The following TRAPPC12 variants were observed in gnomAD, a reference collection of about 807,000 sequenced individuals.
The protein encoded by TRAPPC12 is TPR repeat protein 15.
TRAPPC12 carries 61 observed loss-of-function variants against 69.2 expected under a neutral mutation model. That is an observed-to-expected ratio of 0.88 (90% CI 0.72 to 1.09). The LOEUF is 1.09. TRAPPC12 is among the 50% of genes least tolerant of loss of function. TRAPPC12 has a pLI of 0.00. For synonymous variants in TRAPPC12, 469 were observed against 438.9 expected (o/e 1.07, Z -0.86); for missense variants, 1,101 against 1,016.4 (o/e 1.08, Z -1.13).
At position 3,386,738 on chromosome 2, in the gene TRAPPC12, G is replaced by A. The variant is rs577930363; in HGVS notation, c.-4-882G>A. 1.8e-3 allele frequency among the ~76,000 whole-genome samples: 275 copies of A among 152,254 alleles called. 1 individual carries two copies. The highest frequency in any genetic ancestry group is 6.4e-3 in the African/African-American group (265 of 41,538). On this transcript the variant is annotated intron_variant, in intron 1 of 11. Transcript: ENST00000324266. The stretch of plus-strand genomic sequence containing the variant: ...GGGTAGGGGCGGACGGCATGGGGAA[G>A]TCAAGAGACTATTACAAATTGAAGA...
intron 3 of TRAPPC12, among the ~76,000 whole-genome samples, chr2:3,416,022 C>T (rs1249847699): frequency 2.6e-5 from 4 of 152,182 alleles, no homozygotes; most frequent in Non-Finnish European, 4.4e-5. Context: ...GGCCCACTTA[C>T]TTTCATCTCA....
chr2:3,443,557 C>T (rs753838594), intron 5 of TRAPPC12, among the ~76,000 whole-genome samples: 5 of 152,176 alleles, frequency 3.3e-5, no homozygotes, highest in African/African-American at 4.8e-5. Flanking sequence ...GTGGTGTCAT[C>T]CACCTGTCTC....
At chr2:3,389,700 G>C (rs1396976133) in intron 2 of TRAPPC12, 1 of 471,172 alleles carries the variant, frequency 2.1e-6, no homozygotes, top group Non-Finnish European at 4.4e-6. Context: ...TGTTATTGCT[G>C]TCTTGGTACC....
chr2:3,431,431 C>T (rs140110823), intron 5 of TRAPPC12, among the ~76,000 whole-genome samples: 1 of 152,344 alleles, frequency 6.6e-6, no homozygotes, highest in Non-Finnish European at 1.5e-5. Context: ...TTACCCAGCA[C>T]TAAAAGTATT....
chr2:3,380,466 T>C (rs1358612842), intron 1 of TRAPPC12, among the ~76,000 whole-genome samples: 1 of 152,234 alleles, frequency 6.6e-6, no homozygotes, highest in African/African-American at 2.4e-5. Context: ...GGGTCAAAGA[T>C]GTGTTTTAAC....
chr2:3,409,679 C>T (rs1023127441), intron 3 of TRAPPC12, among the ~76,000 whole-genome samples: 3 of 141,934 alleles, frequency 2.1e-5, no homozygotes, highest in Admixed American at 1.5e-4. Context: ...GAGCCCAGGC[C>T]GTGGAGGCTG....
intron 5 of TRAPPC12, among the ~76,000 whole-genome samples, chr2:3,435,343 A>C (rs1037323647): frequency 6.6e-6 from 1 of 152,210 alleles, no homozygotes; most frequent in Non-Finnish European, 1.5e-5. Flanking sequence ...CTGGGGGGGC[A>C]GGGGAATGGC....
intron 9 of TRAPPC12, among the ~76,000 whole-genome samples, chr2:3,473,877 T>C (rs1666175092): frequency 6.6e-6 from 1 of 152,234 alleles, no homozygotes; most frequent in Admixed American, 6.5e-5. Flanking sequence ...AGATTTAATA[T>C]CATCTAGCAA....
intron 7 of TRAPPC12, chr2:3,459,874 C>T (rs1352638207): frequency 8.9e-6 from 3 of 336,580 alleles, no homozygotes; most frequent in Non-Finnish European, 1.7e-5. Flanking sequence ...CTGGCGGCCA[C>T]CCTGGCCAGT....
rs754552121 is a variant in TRAPPC12 at position 3,460,296 on chromosome 2, G to A, written c.1637G>A (p.Arg546Gln). 8 of 874,644 alleles carry A rather than the reference G, an allele frequency of 9.1e-6. No individual in the cohort carries two copies. The highest frequency in any genetic ancestry group is 7.2e-5 in the East Asian group (3 of 41,718). 54.2% of individuals were successfully genotyped at this position (874,644 alleles called of 1,614,324 possible). Reference sequence around the variant, plus strand: ...CGGCTGTGGAGGTCACGTCTGGGCCGGGTGATGTACTCCATGGCAAACTGT... The same window carrying A: ...CGGCTGTGGAGGTCACGTCTGGGCCAGGTGATGTACTCCATGGCAAACTGT... ...SIRLWRSRLGRVMYSMANCLL... is the reference protein window; with the variant it reads ...SIRLWRSRLGQVMYSMANCLL... The change falls in exon 8 of 12, where the codon CGG (arginine) becomes CAG (glutamine). Residue 546 changes from arginine to glutamine, a missense_variant. Physicochemically the swap from Arg to Gln is conservative, Grantham distance 43 (BLOSUM62 1). Coordinates refer to ENST00000324266, the MANE Select transcript of TRAPPC12 (RefSeq NM_016030.6).
chr2:3,425,870 G>C (rs560277558), intron 5 of TRAPPC12, among the ~76,000 whole-genome samples: 1 of 152,348 alleles, frequency 6.6e-6, no homozygotes, highest in East Asian at 1.9e-4. Context: ...GTTGATACTA[G>C]TAGGTAAATA....
At chr2:3,397,617 T>C (rs545102299) in intron 2 of TRAPPC12, among the ~76,000 whole-genome samples, 39 of 152,258 alleles carry the variant, frequency 2.6e-4, no homozygotes, top group Non-Finnish European at 5.0e-4. Context: ...ATAAGAATTA[T>C]CCAGTTTGTA....
chr2:3,407,866 A>C (rs1214324512), intron 3 of TRAPPC12, among the ~76,000 whole-genome samples: 1 of 152,176 alleles, frequency 6.6e-6, no homozygotes, highest in Non-Finnish European at 1.5e-5. Context: ...GAAAATAATA[A>C]GATAAAAATA....
In TRAPPC12 at chr2:3,427,161, C is replaced by T. The variant is rs561423233; in HGVS notation, c.1417+2498C>T. 3.9e-5 allele frequency among the ~76,000 whole-genome samples: 6 copies of T among 152,324 alleles called. No homozygotes were observed. In the South Asian group the frequency reaches 6.2e-4, roughly 16 times the overall value. On this transcript the variant is annotated intron_variant, in intron 5 of 11. Coordinates refer to ENST00000324266, the MANE Select transcript of TRAPPC12 (RefSeq NM_016030.6). ...AACAGCTGTTTTCCTATTTCTTACA[C>T]GGATCAGCCTTGTTTTCCCCCATCC...
intron 2 of TRAPPC12, among the ~76,000 whole-genome samples, chr2:3,389,489 G>A (rs542503388): frequency 1.3e-5 from 2 of 152,400 alleles, no homozygotes; most frequent in Admixed American, 6.5e-5. Context: ...TCCAGGCGAG[G>A]GGAACACCGT....
intron 8 of TRAPPC12, among the ~76,000 whole-genome samples, chr2:3,465,379 G>A (rs116308205): frequency 0.017 from 2,572 of 152,170 alleles, 68 homozygotes; most frequent in African/African-American, 0.059. Context: ...CCGCCGTTGC[G>A]ATGCGCACAG....
At chr2:3,391,489 T>C (rs567204637) in intron 2 of TRAPPC12, among the ~76,000 whole-genome samples, 149 of 152,348 alleles carry the variant, frequency 9.8e-4, no homozygotes, top group African/African-American at 3.5e-3. Flanking sequence ...TGTAAGCCTA[T>C]AGACATCCGT....
At position 3,426,842 on chromosome 2, in the gene TRAPPC12, C is replaced by T. The variant is rs983495819; in HGVS notation, c.1417+2179C>T. On this transcript the variant is annotated intron_variant, in intron 5 of 11. Coordinates refer to ENST00000324266, the MANE Select transcript of TRAPPC12 (RefSeq NM_016030.6). ...TCCGCACGTAGGTGGTTCCCACATC[C>T]GCTCATGAGTTGGAGAGATACAGCC... Among the ~76,000 whole-genome samples the T allele has an allele frequency of 2.6e-5, 4 of 152,208 alleles. No individual in the cohort carries two copies. In the South Asian group the frequency reaches 6.2e-4, roughly 24 times the overall value.
intron 9 of TRAPPC12, among the ~76,000 whole-genome samples, chr2:3,468,681 G>A (rs777001891): frequency 1.3e-5 from 2 of 152,172 alleles, no homozygotes; most frequent in Non-Finnish European, 2.9e-5. Context: ...CTCCCACGGC[G>A]GGGCAGCCAC....
Sources: gnomAD v4.1 joint callset for allele counts (sites outside exome capture counted in the v4.1 genomes callset) on GRCh38, gnomAD v4.1.1 for gene constraint, MANE v1.5 for transcripts, NCBI Gene and HGNC (gene_info 2026-07-23, HGNC 2026-07-21) for gene names.